FAM107B: variants seen among roughly 807,000 people sequenced by gnomAD.
FAM107B encodes protein FAM107B.
FAM107B carries 21 observed loss-of-function variants against 31.5 expected under a neutral mutation model. The observed-to-expected ratio is 0.67, with a 90% CI of 0.47 to 0.96. The LOEUF (loss-of-function observed/expected upper bound fraction) is 0.96, where lower values mean the gene tolerates loss of function less well. Among genes scored for constraint, FAM107B ranks in the 40% least tolerant of loss-of-function variants. The pLI is 0.00. For synonymous variants in FAM107B, 157 were observed against 141.5 expected (o/e 1.11, Z -0.78); for missense variants, 452 against 377.1 (o/e 1.20, Z -1.64).
chr10:14,657,156 T>G (rs2131457327), intron 2 of FAM107B, among the ~76,000 whole-genome samples: 1 of 152,300 alleles, frequency 6.6e-6, no homozygotes. Flanking sequence ...TTATGAACAA[T>G]AAATGATCTG....
chr10:14,541,702 C>G (rs10906692), intron 2 of FAM107B, among the ~76,000 whole-genome samples: 121,643 of 152,140 alleles, frequency 0.8, 49,180 homozygotes, highest in East Asian at 0.88. Flanking sequence ...ACACAGAAGT[C>G]AATCTCTGCA....
At chr10:14,686,817 A>T (rs1472158392) in intron 1 of FAM107B, among the ~76,000 whole-genome samples, 1 of 152,232 alleles carries the variant, frequency 6.6e-6, no homozygotes, top group African/African-American at 2.4e-5. Context: ...CAATTAACAA[A>T]TTGAAGAGAG....
At chr10:14,573,897 T>C (rs1467131048) in intron 2 of FAM107B, among the ~76,000 whole-genome samples, 1 of 151,288 alleles carries the variant, frequency 6.6e-6, no homozygotes, top group Admixed American at 6.6e-5. Flanking sequence ...TGTGGATACA[T>C]GATATAAAAA....
intron 2 of FAM107B, among the ~76,000 whole-genome samples, chr10:14,611,708 C>T (rs577312262): frequency 2.0e-5 from 3 of 151,808 alleles, no homozygotes; most frequent in South Asian, 2.1e-4. Flanking sequence ...AGAAGTGGCA[C>T]GGCTGCATTC....
At chr10:14,675,560 G>A (rs954049263) in intron 1 of FAM107B, among the ~76,000 whole-genome samples, 1 of 152,068 alleles carries the variant, frequency 6.6e-6, no homozygotes, top group Non-Finnish European at 1.5e-5. Flanking sequence ...TGGAAAATGG[G>A]TCCCAAAGGA....
At chr10:14,674,231 A>T (rs988092481) in intron 1 of FAM107B, among the ~76,000 whole-genome samples, 5 of 152,252 alleles carry the variant, frequency 3.3e-5, no homozygotes, top group African/African-American at 1.2e-4. Flanking sequence ...AGTCAACAAA[A>T]GCAAAAATAG....
At chr10:14,627,958 T>C (rs917338818) in intron 2 of FAM107B, among the ~76,000 whole-genome samples, 6 of 152,102 alleles carry the variant, frequency 3.9e-5, no homozygotes, top group Non-Finnish European at 8.8e-5. Flanking sequence ...TTCAAGGGCT[T>C]AGGGCAGAAG....
intron 1 of FAM107B, among the ~76,000 whole-genome samples, chr10:14,696,767 T>G (rs1421097617): frequency 6.6e-6 from 1 of 152,144 alleles, no homozygotes; most frequent in Non-Finnish European, 1.5e-5. Flanking sequence ...AGCAGATGCT[T>G]CTGAATGTGG....
chr10:14,531,060 C>T (rs1041958427), intron 2 of FAM107B, among the ~76,000 whole-genome samples: 1 of 152,204 alleles, frequency 6.6e-6, no homozygotes, highest in African/African-American at 2.4e-5. Context: ...ATCAGTCACC[C>T]TCCACCAGAC....
At chr10:14,599,248 T>C (rs891958083) in intron 2 of FAM107B, among the ~76,000 whole-genome samples, 2 of 152,076 alleles carry the variant, frequency 1.3e-5, no homozygotes, top group Non-Finnish European at 2.9e-5. Flanking sequence ...ACTTCAAGAC[T>C]TCTAAGTCTC....
chr10:14,541,067 G>A (rs1848142594), intron 2 of FAM107B, among the ~76,000 whole-genome samples: 1 of 152,102 alleles, frequency 6.6e-6, no homozygotes. Flanking sequence ...CTATCTCACA[G>A]GTTTCAACCC....
chr10:14,731,441 G>A (rs572668846), intron 1 of FAM107B, among the ~76,000 whole-genome samples: 12 of 152,132 alleles, frequency 7.9e-5, no homozygotes, highest in South Asian at 2.1e-4. Flanking sequence ...GGGTGCCTGC[G>A]GTCCCAGCTA....
chr10:14,656,120 A>C (rs112705477), intron 2 of FAM107B, among the ~76,000 whole-genome samples: 5,616 of 152,268 alleles, frequency 0.037, 121 homozygotes, highest in South Asian at 0.059. Flanking sequence ...CTTTAGGACA[A>C]GTCCTTTAAT....
chr10:14,752,986 AAG>A (rs1261145287), intron 1 of FAM107B, among the ~76,000 whole-genome samples: 1 of 152,178 alleles, frequency 6.6e-6, no homozygotes, highest in African/African-American at 2.4e-5. Flanking sequence ...CACATTGTAT[AAG>A]AGAAATGCCA....
At chr10:14,763,631 A>G (rs1359497405) in intron 1 of FAM107B, among the ~76,000 whole-genome samples, 1 of 152,146 alleles carries the variant, frequency 6.6e-6, no homozygotes, top group Non-Finnish European at 1.5e-5. Flanking sequence ...TGTCTTTCCT[A>G]AAGACAGCAC....
chr10:14,540,900 C>T (rs536485093), intron 2 of FAM107B, among the ~76,000 whole-genome samples: 58 of 152,300 alleles, frequency 3.8e-4, no homozygotes, highest in African/African-American at 1.4e-3. Context: ...AACCCCACCC[C>T]ACAGGGCCTA....
rs1227944631 is a variant in FAM107B at position 14,530,468 on chromosome 10, T to C, written c.517A>G (p.Arg173Gly). ...TAGTCTGGCTCGGCCATGATGCTTC[T>C]TGTAATGAGATATGAGTCCTTATGG... ...IDHKDSYLIT[R>G]SIMAEPDYIE... Residue 173 changes from arginine to glycine, a missense_variant, in exon 3 of 5, where the codon AGA (arginine) becomes GGA (glycine). By Grantham distance (125) the Arg-to-Gly change is moderately radical. Coordinates refer to ENST00000181796, the MANE Select transcript of FAM107B (RefSeq NM_031453.4). The C allele has an allele frequency of 1.2e-6, 2 of 1,614,080 alleles. No individual in the cohort carries two copies. Among genetic ancestry groups the C allele is most frequent in the African/African-American group, 1.3e-5 (1 of 75,040 alleles).
At chr10:14,580,995 C>A (rs1051950891) in intron 2 of FAM107B, among the ~76,000 whole-genome samples, 5 of 152,220 alleles carry the variant, frequency 3.3e-5, no homozygotes, top group Non-Finnish European at 5.9e-5. Flanking sequence ...CCTGAAGTTA[C>A]AGCAAATCAG....
At chr10:14,582,963 A>G (rs1400040432) in intron 2 of FAM107B, among the ~76,000 whole-genome samples, 2 of 151,754 alleles carry the variant, frequency 1.3e-5, no homozygotes, top group African/African-American at 4.8e-5. Flanking sequence ...GCGTGCCCCT[A>G]TAATCCCAGC....
Sources: allele counts gnomAD v4.1 joint callset (sites outside exome capture counted in the v4.1 genomes callset), GRCh38; gene constraint gnomAD v4.1.1; transcripts MANE v1.5; gene names NCBI Gene and HGNC (gene_info 2026-07-23, HGNC 2026-07-21).